DTX1: variants seen among roughly 807,000 people sequenced by gnomAD.
DTX1 encodes the protein deltex E3 ubiquitin ligase 1.
Under a neutral mutation model 57.8 loss-of-function variants are expected in DTX1, and 26 were observed. That is an observed-to-expected ratio of 0.45 (90% CI 0.33 to 0.62). The LOEUF is 0.62. Among genes scored for constraint, DTX1 ranks in the 20% least tolerant of loss-of-function variants. The pLI, the probability that DTX1 is intolerant of heterozygous loss-of-function variation, is 0.02. For missense variants in DTX1, 704 were observed against 895.3 expected (o/e 0.79, Z 2.73); for synonymous variants, 398 against 394.1 (o/e 1.01, Z -0.12).
intron 2 of DTX1, among the ~76,000 whole-genome samples, chr12:113,064,253 C>T (rs1339677579): frequency 1.3e-5 from 2 of 152,220 alleles, no homozygotes; most frequent in Non-Finnish European, 2.9e-5. Flanking sequence ...TCTCTGGTAG[C>T]AGCAGGTCCA....
chr12:113,072,185 T>G (rs1280468221), intron 2 of DTX1, among the ~76,000 whole-genome samples: 1 of 152,228 alleles, frequency 6.6e-6, no homozygotes, highest in Non-Finnish European at 1.5e-5. Context: ...CCAAGTAGGT[T>G]GCCCGTCTCG....
chr12:113,079,284 C>A (rs575779660), intron 3 of DTX1, among the ~76,000 whole-genome samples: 1 of 152,284 alleles, frequency 6.6e-6, no homozygotes, highest in African/African-American at 2.4e-5. Flanking sequence ...ACCAACTGTG[C>A]TTCAATCACT....
At chr12:113,059,973 G>A (rs1311500695) in intron 2 of DTX1, among the ~76,000 whole-genome samples, 1 of 152,100 alleles carries the variant, frequency 6.6e-6, no homozygotes, top group East Asian at 1.9e-4. Flanking sequence ...ATTACACCAT[G>A]CTAGTTAGAA....
In DTX1 at chr12:113,093,458, C is replaced by A; in HGVS notation, c.1004-81C>A. 1.1e-6 allele frequency: 1 copy of A among 919,726 alleles called. No homozygotes were observed. Among genetic ancestry groups the A allele is most frequent in the Non-Finnish European group, 1.6e-6 (1 of 641,656 alleles). The allele number at this position is 919,726 out of a possible 1,614,324, so 57.0% of individuals were successfully genotyped here. A position where few individuals can be genotyped will look rare whatever the true frequency, so the allele number is the denominator to read the frequency against. ...CGCAACCCTCCCACCCACCCGAGGG[C>A]CCCGGGATTCCCAGGGCCAGTGGTC... is the stretch of plus-strand genomic sequence containing the variant. On this transcript the variant is annotated intron_variant, in intron 4 of 9. Coordinates refer to ENST00000548759, the MANE Select transcript of DTX1 (RefSeq NM_004416.3). The surrounding 1 kb of genome is among the most constrained non-coding windows in gnomAD (Gnocchi z 4.2).
chr12:113,087,364 G>A (rs1403773715), intron 3 of DTX1, among the ~76,000 whole-genome samples: 1 of 152,276 alleles, frequency 6.6e-6, no homozygotes. Flanking sequence ...GGGGAAGTGA[G>A]GACCCCAGAC....
chr12:113,059,014 T>G (rs1434656621), intron 2 of DTX1, among the ~76,000 whole-genome samples: 1 of 151,600 alleles, frequency 6.6e-6, no homozygotes, highest in Non-Finnish European at 1.5e-5. Flanking sequence ...TGGCTCCAAG[T>G]GTTGGTTTGT....
At chr12:113,070,920 T>A (rs993114967) in intron 2 of DTX1, among the ~76,000 whole-genome samples, 4 of 152,170 alleles carry the variant, frequency 2.6e-5, no homozygotes, top group African/African-American at 7.2e-5. Flanking sequence ...CTGGAAGCAA[T>A]GGTGTGAGGA....
chr12:113,079,300 A>G (rs2044798202), intron 3 of DTX1, among the ~76,000 whole-genome samples: 1 of 152,136 alleles, frequency 6.6e-6, no homozygotes, highest in African/African-American at 2.4e-5. Flanking sequence ...TCACTATGGC[A>G]TGGCCGGGGG....
At chr12:113,067,879 CA>C (rs56358913) in intron 2 of DTX1, among the ~76,000 whole-genome samples, 100,601 of 149,608 alleles carry the variant, frequency 0.67, 33,990 homozygotes, top group East Asian at 0.85. Flanking sequence ...CAAATAAAAA[CA>C]AAAAAAAAAA....
intron 2 of DTX1, among the ~76,000 whole-genome samples, chr12:113,061,073 A>C (rs143978802): frequency 1.6e-4 from 24 of 152,076 alleles, no homozygotes; most frequent in Middle Eastern, 3.4e-3. Context: ...CCCTTTCATC[A>C]GGCCCCATTC....
chr12:113,079,693 A>ACT (rs2044801935), intron 3 of DTX1, among the ~76,000 whole-genome samples: 3 of 100,492 alleles, frequency 3.0e-5, no homozygotes, highest in Non-Finnish European at 6.3e-5. Flanking sequence ...ATTCCCGGCT[A>ACT]CTGTGTGTGT....
chr12:113,076,343 C>A (rs2044771960), intron 2 of DTX1, among the ~76,000 whole-genome samples: 1 of 151,982 alleles, frequency 6.6e-6, no homozygotes, highest in African/African-American at 2.4e-5. Flanking sequence ...CCTGTAGTCC[C>A]AGCTACTCAG....
intron 9 of DTX1, among the ~76,000 whole-genome samples, chr12:113,096,256 C>T (rs1201486804): frequency 6.7e-6 from 1 of 148,636 alleles, no homozygotes; most frequent in Non-Finnish European, 1.5e-5. Context: ...GTAATCCCTG[C>T]ACTTGGGGAG....
At position 113,077,440 on chromosome 12, in the gene DTX1, G is replaced by A; in HGVS notation, c.276G>A (p.Val92=). ...CGAGTACAGGCACCATGCGGCCCGT[G>A]CGGCGCAACTTCTACGACCCGTCGT... is the stretch of plus-strand genomic sequence containing the variant. ...FRQDTGTMRP[V]RRNFYDPSSA... Residue 92 remains valine, a synonymous_variant, in exon 3 of 10, where the codon GTG becomes GTA. Transcript: ENST00000548759. This position sits in a 1 kb window ranked among gnomAD's most constrained non-coding sequence, Gnocchi z 7.8. The A allele has an allele frequency of 6.2e-7, 1 of 1,608,764 alleles. No homozygotes were observed. The highest frequency in any genetic ancestry group is 8.5e-7 in the Non-Finnish European group (1 of 1,179,308).
intron 2 of DTX1, among the ~76,000 whole-genome samples, chr12:113,073,049 C>T (rs1417918689): frequency 6.6e-6 from 1 of 152,124 alleles, no homozygotes; most frequent in Non-Finnish European, 1.5e-5. Flanking sequence ...CTTCACTCTG[C>T]ACCTCCTATC....
intron 3 of DTX1, among the ~76,000 whole-genome samples, chr12:113,079,400 G>T (rs1428178746): frequency 6.6e-6 from 1 of 151,976 alleles, no homozygotes; most frequent in Non-Finnish European, 1.5e-5. Flanking sequence ...TTTATTATGG[G>T]CAAACAAGGC....
chr12:113,095,548 A>C, intron 9 of DTX1, 134 bp downstream of exon 9: 1 of 1,100,166 alleles, frequency 9.1e-7, no homozygotes, highest in Non-Finnish European at 1.3e-6. Flanking sequence ...CCCGAACAGT[A>C]ACGACCACAG....
intron 3 of DTX1, among the ~76,000 whole-genome samples, chr12:113,087,997 C>G (rs1244541800): frequency 1.3e-5 from 2 of 152,198 alleles, no homozygotes; most frequent in Non-Finnish European, 2.9e-5. Context: ...AGGCCTGAGC[C>G]AGCTCCAGGA....
intron 3 of DTX1, among the ~76,000 whole-genome samples, chr12:113,087,754 A>G (rs1033998254): frequency 6.6e-6 from 1 of 152,106 alleles, no homozygotes; most frequent in African/African-American, 2.4e-5. Flanking sequence ...AAGGGGGCCA[A>G]GGCCAATGGG....
Sources: gnomAD v4.1 joint callset for allele counts (sites outside exome capture counted in the v4.1 genomes callset) on GRCh38, gnomAD v4.1.1 for gene constraint, Gnocchi (gnomAD v3.1) non-coding constraint, MANE v1.5 for transcripts, NCBI Gene and HGNC (gene_info 2026-07-23, HGNC 2026-07-21) for gene names.